Variants in DOK6 observed in about 807,000 individuals in gnomAD.
DOK6 encodes docking protein 6, also known as downstream of tyrosine kinase 6.
Under a neutral mutation model 44.0 loss-of-function variants are expected in DOK6, and 22 were observed. That is an observed-to-expected ratio of 0.50 (90% CI 0.36 to 0.71). The LOEUF (loss-of-function observed/expected upper bound fraction) is 0.71, where lower values mean the gene tolerates loss of function less well. Among genes scored for constraint, DOK6 ranks in the 30% least tolerant of loss-of-function variants. DOK6 has a pLI of 0.00. For synonymous variants in DOK6, 166 were observed against 145.5 expected (o/e 1.14, Z -1.01); for missense variants, 340 against 416.4 (o/e 0.82, Z 1.60).
intron 4 of DOK6, among the ~76,000 whole-genome samples, chr18:69,691,995 AAAAGT>A (rs2144697014): frequency 6.6e-6 from 1 of 152,326 alleles, no homozygotes; most frequent in East Asian, 1.9e-4. Context: ...TTAAGAATTC[AAAAGT>A]AAAGAAGAAT....
At chr18:69,405,297 C>T (rs1256416449) in intron 1 of DOK6, among the ~76,000 whole-genome samples, 1 of 152,082 alleles carries the variant, frequency 6.6e-6, no homozygotes. Flanking sequence ...TATGAAAATT[C>T]ACCCTTTTAT....
chr18:69,622,088 T>C (rs181211976), intron 3 of DOK6, among the ~76,000 whole-genome samples: 2 of 152,330 alleles, frequency 1.3e-5, no homozygotes, highest in East Asian at 1.9e-4. Flanking sequence ...GCCAGAAATA[T>C]GTAATACCCA....
intron 1 of DOK6, among the ~76,000 whole-genome samples, chr18:69,536,367 T>C (rs779465091): frequency 6.6e-6 from 1 of 152,176 alleles, no homozygotes; most frequent in African/African-American, 2.4e-5. Context: ...TGTAAAAATA[T>C]GACTGATAAA....
At chr18:69,435,294 C>G (rs940525562) in intron 1 of DOK6, among the ~76,000 whole-genome samples, 1 of 152,130 alleles carries the variant, frequency 6.6e-6, no homozygotes, top group African/African-American at 2.4e-5. Context: ...CCCTCAATAT[C>G]CTGACTTTTA....
rs780018877 is a variant in DOK6 at position 69,536,974 on chromosome 18, T to TTTA, written c.67-27511_67-27509dup. ...TCACATTAACATACACGACAGAAGATTTATCATTATTATTATTATTATTAT... is the reference window on the plus strand; with the variant it reads ...TCACATTAACATACACGACAGAAGATTTATTATCATTATTATTATTATTATTAT... On this transcript the variant is annotated intron_variant, in intron 1 of 7. Transcript: ENST00000382713. 2.4e-3 allele frequency among the ~76,000 whole-genome samples: 237 copies of TTTA among 100,602 alleles called. 1 individual carries two copies. The highest frequency in any genetic ancestry group is 0.011 in the Middle Eastern group (2 of 190). The allele number at this position is 100,602 out of a possible 152,430, so 66.0% of individuals were successfully genotyped here.
intron 6 of DOK6, among the ~76,000 whole-genome samples, chr18:69,749,165 TG>T (rs942825435): frequency 8.0e-5 from 12 of 150,004 alleles, no homozygotes; most frequent in African/African-American, 2.9e-4. Flanking sequence ...GGGGTTGGGG[TG>T]GGGAGAGGGA....
chr18:69,785,551 TC>T (rs1249320957), intron 7 of DOK6, among the ~76,000 whole-genome samples: 1 of 152,196 alleles, frequency 6.6e-6, no homozygotes, highest in African/African-American at 2.4e-5. Context: ...AGGTTTTTTT[TC>T]CCCTAAATTG....
chr18:69,537,717 A>C (rs1006128071), intron 1 of DOK6, among the ~76,000 whole-genome samples: 7 of 152,194 alleles, frequency 4.6e-5, no homozygotes, highest in African/African-American at 7.2e-5. Flanking sequence ...GGAATCATTT[A>C]TGATCTTTGC....
At chr18:69,829,701 G>A (rs528050750) in intron 7 of DOK6, among the ~76,000 whole-genome samples, 3 of 151,682 alleles carry the variant, frequency 2.0e-5, no homozygotes, top group Non-Finnish European at 2.9e-5. Context: ...AGAAAGACTT[G>A]TTATCAAGAC....
chr18:69,556,941 A>G (rs1003799481), intron 1 of DOK6, among the ~76,000 whole-genome samples: 1 of 152,246 alleles, frequency 6.6e-6, no homozygotes, highest in Non-Finnish European at 1.5e-5. Flanking sequence ...AACACTTAAG[A>G]CCAAGTAACT....
At chr18:69,654,380 A>C (rs1985309642) in intron 3 of DOK6, among the ~76,000 whole-genome samples, 1 of 152,212 alleles carries the variant, frequency 6.6e-6, no homozygotes, top group Non-Finnish European at 1.5e-5. Flanking sequence ...ACACACATGC[A>C]GACACAGACA....
At chr18:69,540,500 C>T (rs181040799) in intron 1 of DOK6, among the ~76,000 whole-genome samples, 1 of 152,186 alleles carries the variant, frequency 6.6e-6, no homozygotes, top group East Asian at 1.9e-4. Context: ...GGAGAATTTA[C>T]CATTTGTCCA....
chr18:69,538,055 A>C (rs569926880), intron 1 of DOK6, among the ~76,000 whole-genome samples: 21 of 152,300 alleles, frequency 1.4e-4, no homozygotes, highest in South Asian at 1.0e-3. Flanking sequence ...CATGCAAAAA[A>C]TATTGTAAAG....
At chr18:69,419,662 A>C (rs1978430636) in intron 1 of DOK6, among the ~76,000 whole-genome samples, 1 of 152,110 alleles carries the variant, frequency 6.6e-6, no homozygotes, top group Non-Finnish European at 1.5e-5. Context: ...AATATGTGTT[A>C]ATTAAGGATA....
intron 1 of DOK6, among the ~76,000 whole-genome samples, chr18:69,522,811 A>C (rs1325639054): frequency 2.6e-5 from 4 of 152,084 alleles, no homozygotes; most frequent in African/African-American, 9.7e-5. Context: ...ACTCTCTTCT[A>C]GCTATTCAAA....
chr18:69,672,500 A>T (rs1985822655), intron 3 of DOK6, among the ~76,000 whole-genome samples: 1 of 152,196 alleles, frequency 6.6e-6, no homozygotes, highest in African/African-American at 2.4e-5. Context: ...CTGGGATTAC[A>T]GGCGCGCAGC....
intron 6 of DOK6, among the ~76,000 whole-genome samples, chr18:69,757,152 G>GT (rs1482600125): frequency 1.3e-5 from 2 of 152,166 alleles, no homozygotes; most frequent in Non-Finnish European, 2.9e-5. Context: ...TTATCACAGT[G>GT]TTTCTCAGAG....
intron 1 of DOK6, among the ~76,000 whole-genome samples, chr18:69,470,751 G>T (rs565541654): frequency 6.6e-6 from 1 of 152,150 alleles, no homozygotes; most frequent in Non-Finnish European, 1.5e-5. Context: ...AGAAAGTTGT[G>T]TGGAAAAGAT....
chr18:69,750,491 T>C (rs1979140461), intron 6 of DOK6, among the ~76,000 whole-genome samples: 1 of 152,196 alleles, frequency 6.6e-6, no homozygotes. Flanking sequence ...TACATTGCTA[T>C]TCATTAGGGA....
Sources: allele counts gnomAD v4.1 joint callset (sites outside exome capture counted in the v4.1 genomes callset), GRCh38; gene constraint gnomAD v4.1.1; transcripts MANE v1.5; gene names NCBI Gene and HGNC (gene_info 2026-07-23, HGNC 2026-07-21).